Variants in WASL observed in about 807,000 individuals in gnomAD.
WASL encodes the protein WASP like actin nucleation promoting factor, also known as actin nucleation-promoting factor WASL.
In WASL, 20 loss-of-function variants were observed where a neutral mutation model predicts 55.5. That is an observed-to-expected ratio of 0.36 (90% CI 0.25 to 0.52). The LOEUF (loss-of-function observed/expected upper bound fraction) is 0.52, where lower values mean the gene tolerates loss of function less well. Among genes scored for constraint, WASL ranks in the 20% least tolerant of loss-of-function variants. WASL has a pLI of 0.92. For synonymous variants in WASL, 249 were observed against 217.6 expected, an observed-to-expected ratio of 1.14 and a Z score of -1.27; for missense variants, 504 against 622.5, an observed-to-expected ratio of 0.81 and a Z score of 2.03.
In WASL at chr7:123,711,270, AAAAAC is replaced by A. The variant is rs578019061; in HGVS notation, c.118-2052_118-2048del. 1.3e-3 allele frequency among the ~76,000 whole-genome samples: 203 copies of A among 152,276 alleles called. 3 individuals are homozygous for A. The South Asian group carries it at 0.016, about 12-fold the overall frequency. On this transcript the variant is annotated intron_variant, in intron 1 of 10. Coordinates refer to ENST00000223023, the MANE Select transcript of WASL (RefSeq NM_003941.4). ...CATGTGGCTATATATGTGAACTTTA[AAAAAC>A]AAAACAAAACAAAAAAAAACCCAAA...
chr7:123,714,951 T>C (rs1803815226), intron 1 of WASL, among the ~76,000 whole-genome samples: 1 of 152,102 alleles, frequency 6.6e-6, no homozygotes, highest in South Asian at 2.1e-4. Flanking sequence ...AAAAAGACCC[T>C]ACCATAGGAA....
Position 123,709,417 on chromosome 7 carries a change from ATAAC to A in WASL, c.118-198_118-195del, listed in dbSNP as rs1274174017. On this transcript the variant is annotated intron_variant, in intron 1 of 10. Transcript: ENST00000223023. ...GAAGTAATTTCTTATGTAGTAATAA[ATAAC>A]TAATACAATAATCACATAACAATAA... is the stretch of plus-strand genomic sequence containing the variant. 5.2e-5 allele frequency among the ~76,000 whole-genome samples: 8 copies of A among 152,384 alleles called. No homozygotes were observed. In the South Asian group the frequency reaches 6.2e-4, roughly 12 times the overall value.
chr7:123,713,907 C>A (rs367914835), intron 1 of WASL, among the ~76,000 whole-genome samples: 10 of 152,332 alleles, frequency 6.6e-5, no homozygotes, highest in African/African-American at 2.2e-4. Flanking sequence ...ACCCACAAAA[C>A]AGGAGGGCAG....
intron 9 of WASL, among the ~76,000 whole-genome samples, chr7:123,691,656 G>A (rs1803410572): frequency 1.3e-5 from 2 of 152,130 alleles, no homozygotes; most frequent in Non-Finnish European, 2.9e-5. Flanking sequence ...ATAGGAAAAT[G>A]TTTGCTGAAC....
At chr7:123,704,138 T>G (rs989062748) in intron 5 of WASL, among the ~76,000 whole-genome samples, 1 of 152,176 alleles carries the variant, frequency 6.6e-6, no homozygotes, top group Admixed American at 6.5e-5. Context: ...AAATTAGTTC[T>G]AAATACACCA....
intron 1 of WASL, among the ~76,000 whole-genome samples, chr7:123,747,031 G>A (rs985999901): frequency 6.6e-6 from 1 of 152,150 alleles, no homozygotes; most frequent in Non-Finnish European, 1.5e-5. Flanking sequence ...GGTGCTTTAA[G>A]AATCTTGTAT....
chr7:123,698,471 A>G (rs1562958648), intron 5 of WASL, among the ~76,000 whole-genome samples: 2 of 152,166 alleles, frequency 1.3e-5, no homozygotes, highest in Middle Eastern at 3.2e-3. Context: ...ACCTTATCAA[A>G]AAAGTAAATA....
Position 123,692,782 on chromosome 7 carries a change from A to G in WASL, c.912T>C (p.Ala304=). 2 of 1,473,862 alleles carry G rather than the reference A, an allele frequency of 1.4e-6. No homozygotes were observed. Among genetic ancestry groups the G allele is most frequent in the Non-Finnish European group, 1.8e-6 (2 of 1,112,662 alleles). The allele number at this position is 1,473,862 out of a possible 1,614,324, so 91.3% of individuals were successfully genotyped here. A position where few individuals can be genotyped will look rare whatever the true frequency, so the allele number is the denominator to read the frequency against. Residue 304 remains alanine (A), a synonymous_variant, in exon 9 of 11, where the codon GCT becomes GCC. Coordinates refer to ENST00000223023, the MANE Select transcript of WASL (RefSeq NM_003941.4). The part of the protein sequence containing the change: ...PHNSGPPPPP[A]RGRGAPPPPP... ...GTGGGGGAGGAGCGCCTCTTCCCCT[A>G]GCAGGAGGAGGAGGAGGACCTGAGT... is the stretch of plus-strand genomic sequence containing the variant.
chr7:123,695,014 TAA>T (rs1194082230), intron 7 of WASL, 146 bp from the exon 8 acceptor site: 5 of 795,602 alleles, frequency 6.3e-6, no homozygotes, highest in Non-Finnish European at 9.5e-6. Flanking sequence ...AATATTTTAT[TAA>T]AAAAAACTGA....
intron 1 of WASL, among the ~76,000 whole-genome samples, chr7:123,739,216 T>G (rs571684572): frequency 6.6e-6 from 1 of 152,224 alleles, no homozygotes; most frequent in African/African-American, 2.4e-5. Flanking sequence ...TCCTTAAGAC[T>G]TGAAGTTCAA....
chr7:123,748,810 G>T lies in WASL; in HGVS notation c.-76C>A. 3.9e-6 allele frequency: 5 copies of T among 1,275,690 alleles called. No individual in the cohort carries two copies. The highest frequency in any genetic ancestry group is 5.3e-6 in the Non-Finnish European group (5 of 946,866). 79.0% of individuals were successfully genotyped at this position (1,275,690 alleles called of 1,614,324 possible). The stretch of plus-strand genomic sequence containing the variant: ...GCGAGAGCTCGTTCCCCCTCTCGGT[G>T]ACAGGGGCGGGGAGAAGTGGAGTCA... On this transcript the variant is annotated 5_prime_UTR_variant, in exon 1 of 11. Coordinates refer to ENST00000223023, the MANE Select transcript of WASL (RefSeq NM_003941.4).
intron 8 of WASL, among the ~76,000 whole-genome samples, chr7:123,694,256 G>T (rs1008991757): frequency 5.9e-5 from 9 of 152,040 alleles, no homozygotes; most frequent in African/African-American, 2.2e-4. Context: ...TATAAATTGT[G>T]CTCTCAGGTA....
chr7:123,748,014 A>G (rs1345738612), intron 1 of WASL, among the ~76,000 whole-genome samples: 1 of 152,088 alleles, frequency 6.6e-6, no homozygotes, highest in Non-Finnish European at 1.5e-5. Flanking sequence ...GAGAGTAGAA[A>G]CCAGGCCTAG....
In WASL at chr7:123,703,705, G is replaced by T. The variant is rs138835306; in HGVS notation, c.460+929C>A. 4.5e-3 allele frequency among the ~76,000 whole-genome samples: 683 copies of T among 152,232 alleles called. 14 individuals are homozygous for T. Among genetic ancestry groups the T allele is most frequent in the East Asian group, 0.044 (228 of 5,188 alleles). On this transcript the variant is annotated intron_variant, in intron 5 of 10. Transcript: ENST00000223023. The stretch of plus-strand genomic sequence containing the variant: ...GACAAAATCAAAAGGCAACGTATCT[G>T]TTTAAAAGAAACCCCAACAATCACC...
In WASL at chr7:123,715,603, C is replaced by CT. The variant is rs1803828899; in HGVS notation, c.118-6381_118-6380insA. 2.6e-5 allele frequency among the ~76,000 whole-genome samples: 4 copies of CT among 152,152 alleles called. No homozygotes were observed. In the South Asian group the frequency reaches 6.2e-4, roughly 24 times the overall value. On this transcript the variant is annotated intron_variant, in intron 1 of 10. Transcript: ENST00000223023. ...TTATGACAAATTTTTGGTTACAAAT[C>CT]ATAAAAGTTTTAGACCTCACCTTCA...
chr7:123,696,500 T>C lies in WASL; in HGVS notation c.629+79A>G, dbSNP rs1372148453. The C allele has an allele frequency of 8.8e-6, 12 of 1,356,098 alleles. No individual in the cohort carries two copies. The East Asian group carries it at 2.9e-4, about 33-fold the overall frequency. The allele number at this position is 1,356,098 out of a possible 1,614,324, so 84.0% of individuals were successfully genotyped here. ...ACACCCTCCCGAAAAGAGAAGAAAA[T>C]TTTCTAACAAGTTAAAAATCAAGAA... On this transcript the variant is annotated intron_variant, in intron 6 of 10. Transcript: ENST00000223023.
At chr7:123,729,259 T>C (rs1165282898) in intron 1 of WASL, among the ~76,000 whole-genome samples, 1 of 150,438 alleles carries the variant, frequency 6.6e-6, no homozygotes, top group African/African-American at 2.4e-5. Flanking sequence ...TAGTTTACAT[T>C]TTTTTTTGCA....
intron 1 of WASL, among the ~76,000 whole-genome samples, chr7:123,729,348 T>C (rs919710858): frequency 7.9e-5 from 12 of 152,302 alleles, no homozygotes; most frequent in African/African-American, 2.2e-4. Flanking sequence ...AATTGCTCAA[T>C]AGCTCATGTG....
chr7:123,718,423 A>T (rs1242300338), intron 1 of WASL, among the ~76,000 whole-genome samples: 1 of 152,222 alleles, frequency 6.6e-6, no homozygotes, highest in Non-Finnish European at 1.5e-5. Flanking sequence ...TTGAACATAT[A>T]GTGATCTTAT....
Sources: gnomAD v4.1 joint callset for allele counts (sites outside exome capture counted in the v4.1 genomes callset) on GRCh38, gnomAD v4.1.1 for gene constraint, MANE v1.5 for transcripts, NCBI Gene and HGNC (gene_info 2026-07-23, HGNC 2026-07-21) for gene names.